Variants in TTC28 observed in about 807,000 individuals in gnomAD.
TTC28 encodes the protein tetratricopeptide repeat protein 28.
In TTC28, 61 loss-of-function variants were observed where a neutral mutation model predicts 198.0. That is an observed-to-expected ratio of 0.31 (90% CI 0.25 to 0.38). TTC28 has a LOEUF of 0.38. Among genes scored for constraint, TTC28 ranks in the 10% least tolerant of loss-of-function variants. The probability of loss-of-function intolerance (pLI) is 1.00; values close to 1 mark genes in which losing one functional copy is unlikely to be tolerated. For missense variants in TTC28, 2,678 were observed against 3,164.0 expected (o/e 0.85, Z 3.69); for synonymous variants, 1,171 against 1,297.8 (o/e 0.90, Z 2.10).
intron 12 of TTC28, among the ~76,000 whole-genome samples, chr22:28,041,704 A>C (rs1569102251): frequency 6.6e-6 from 1 of 152,212 alleles, no homozygotes; most frequent in Non-Finnish European, 1.5e-5. Flanking sequence ...CACCAAAAGC[A>C]ATGGCAACAA....
Position 28,578,863 on chromosome 22 carries a change from T to C in TTC28, c.381+50689A>G, listed in dbSNP as rs553121210. ...ATGGAAGAAACATTTAGACCAGCCCTAGTCAGAGGCAAATTGTCTATCCCA... is the reference window on the plus strand; with the variant it reads ...ATGGAAGAAACATTTAGACCAGCCCCAGTCAGAGGCAAATTGTCTATCCCA... On this transcript the variant is annotated intron_variant, in intron 2 of 22. Coordinates refer to ENST00000397906, the MANE Select transcript of TTC28 (RefSeq NM_001145418.2). Among the ~76,000 whole-genome samples, 5 of 152,154 alleles carry C rather than the reference T, an allele frequency of 3.3e-5. No homozygotes were observed. The East Asian group carries it at 9.7e-4, about 29-fold the overall frequency.
At chr22:28,647,507 C>G (rs925019036) in intron 1 of TTC28, among the ~76,000 whole-genome samples, 2 of 151,988 alleles carry the variant, frequency 1.3e-5, no homozygotes, top group Non-Finnish European at 2.9e-5. Context: ...CCACAAGGAA[C>G]TCAAACAAAT....
At chr22:28,418,593 G>A (rs1229793106) in intron 2 of TTC28, among the ~76,000 whole-genome samples, 1 of 152,086 alleles carries the variant, frequency 6.6e-6, no homozygotes. Flanking sequence ...ATACTGACTG[G>A]AGTCAAACAT....
intron 12 of TTC28, among the ~76,000 whole-genome samples, chr22:28,035,604 A>C (rs1939306776): frequency 6.6e-6 from 1 of 152,202 alleles, no homozygotes; most frequent in Non-Finnish European, 1.5e-5. Context: ...TAGGTTTTGC[A>C]TGGGCCGGTC....
intron 6 of TTC28, among the ~76,000 whole-genome samples, chr22:28,132,935 T>A (rs1601360191): frequency 1.3e-5 from 2 of 152,184 alleles, no homozygotes; most frequent in East Asian, 3.9e-4. Context: ...TATGAGACAT[T>A]TGTAATGGCC....
chr22:28,566,996 C>A (rs1200164034), intron 2 of TTC28, among the ~76,000 whole-genome samples: 14 of 152,120 alleles, frequency 9.2e-5, no homozygotes, highest in Non-Finnish European at 2.1e-4. Flanking sequence ...GCTGGCGGAT[C>A]ATGAGGTCAG....
intron 6 of TTC28, among the ~76,000 whole-genome samples, chr22:28,112,874 G>T (rs1240712308): frequency 6.6e-6 from 1 of 152,108 alleles, no homozygotes; most frequent in Non-Finnish European, 1.5e-5. Flanking sequence ...TCACAAAGCC[G>T]AGTTCTCACG....
At chr22:28,117,399 C>T (rs1942661885) in intron 6 of TTC28, among the ~76,000 whole-genome samples, 1 of 152,192 alleles carries the variant, frequency 6.6e-6, no homozygotes, top group South Asian at 2.1e-4. Flanking sequence ...TAAACCCTCC[C>T]AGCCCTTGTC....
rs749843435 is a variant in TTC28, at chr22:28,107,681, C to T, written c.2164G>A (p.Asp722Asn). The change falls in exon 7 of 23, where the codon GAT becomes AAT. Residue 722 changes from aspartate (D) to asparagine (N), a missense_variant. Asp to Asn is a conservative substitution (Grantham distance 23). Transcript: ENST00000397906. The stretch of plus-strand genomic sequence containing the variant: ...ATATCTTTTTTACAGATGAATATAT[C>T]GCCCAGGTTTCCTAGGGCTCGAAAT... Reference protein sequence around the residue: ...AKFRALGNLGDIFICKKDING... With the variant: ...AKFRALGNLGNIFICKKDING... 3.7e-5 allele frequency: 57 copies of T among 1,551,626 alleles called. No individual in the cohort carries two copies. The highest frequency in any genetic ancestry group is 4.4e-5 in the Non-Finnish European group (51 of 1,147,010).
chr22:28,163,052 T>A (rs901452760), intron 6 of TTC28, 40 bp downstream of exon 6: 44 of 1,497,566 alleles, frequency 2.9e-5, no homozygotes, highest in Middle Eastern at 2.0e-4. Flanking sequence ...TTCCAGCTCA[T>A]GACTTTGACC....
At chr22:28,488,656 C>T (rs2048339492) in intron 2 of TTC28, among the ~76,000 whole-genome samples, 1 of 149,950 alleles carries the variant, frequency 6.7e-6, no homozygotes, top group African/African-American at 2.5e-5. Context: ...CCAGGACATG[C>T]TATTAAAAAG....
intron 2 of TTC28, among the ~76,000 whole-genome samples, chr22:28,361,934 A>G (rs2046165317): frequency 6.6e-6 from 1 of 152,210 alleles, no homozygotes; most frequent in African/African-American, 2.4e-5. Flanking sequence ...AGTTTACCGA[A>G]TATTTTAAGC....
intron 2 of TTC28, among the ~76,000 whole-genome samples, chr22:28,604,187 A>G (rs1328196448): frequency 6.6e-6 from 1 of 151,200 alleles, no homozygotes; most frequent in Non-Finnish European, 1.5e-5. Context: ...CTGAGGCAGG[A>G]GAATCTCTTG....
In TTC28 at chr22:27,978,842, A is replaced by G. The variant is rs1359962869; in HGVS notation, c.*3379T>C. 1 of 152,148 alleles carries G rather than the reference A, an allele frequency of 6.6e-6. No individual in the cohort carries two copies. The highest frequency in any genetic ancestry group is 1.5e-5 in the Non-Finnish European group (1 of 68,030). The allele number at this position is 152,148 out of a possible 1,614,324, so 9.4% of individuals were successfully genotyped here. ...GTGGTCCTGCTGAGGTTTCTAAGAG[A>G]GGGGAGTTGTACGGCTTATAGTCAT... is the stretch of plus-strand genomic sequence containing the variant. On this transcript the variant is annotated 3_prime_UTR_variant, in exon 23 of 23. Transcript: ENST00000397906.
intron 16 of TTC28, chr22:27,998,071 G>A (rs1387244854): frequency 5.4e-6 from 1 of 186,014 alleles, no homozygotes; most frequent in Non-Finnish European, 1.1e-5. Context: ...ACTCCTTACA[G>A]ATCCTGTCAA....
At chr22:28,624,933 T>C (rs1452863985) in intron 2 of TTC28, among the ~76,000 whole-genome samples, 7 of 152,178 alleles carry the variant, frequency 4.6e-5, no homozygotes, top group Admixed American at 6.5e-5. Context: ...CCAAAGTTGA[T>C]TTAGTTGATT....
chr22:28,364,984 G>A (rs542505349), intron 2 of TTC28, among the ~76,000 whole-genome samples: 4 of 152,184 alleles, frequency 2.6e-5, no homozygotes, highest in East Asian at 1.9e-4. Flanking sequence ...TTTCTACTGT[G>A]GGTAAAATAC....
rs895671948 is a variant in TTC28, at chr22:28,629,186, T to G, written c.381+366A>C. Among the ~76,000 whole-genome samples the G allele has an allele frequency of 3.3e-5, 5 of 152,262 alleles. No homozygotes were observed. In the East Asian group the frequency reaches 9.7e-4, roughly 29 times the overall value. On this transcript the variant is annotated intron_variant, in intron 2 of 22. Coordinates refer to ENST00000397906, the MANE Select transcript of TTC28 (RefSeq NM_001145418.2). ...AGTCATTGACAGAGAATGAAATTAA[T>G]TATTTTAAATTGAAGGAAAGAAACA...
intron 2 of TTC28, among the ~76,000 whole-genome samples, chr22:28,403,380 T>G (rs1187525509): frequency 6.6e-6 from 1 of 152,228 alleles, no homozygotes; most frequent in Non-Finnish European, 1.5e-5. Context: ...CAGAAGAAGA[T>G]GTGGCTTAGA....
Sources: allele counts gnomAD v4.1 joint callset (sites outside exome capture counted in the v4.1 genomes callset), GRCh38; gene constraint gnomAD v4.1.1; transcripts MANE v1.5; gene names NCBI Gene and HGNC (gene_info 2026-07-23, HGNC 2026-07-21).